Variants in BAG6 observed in about 807,000 individuals in gnomAD.
The protein encoded by BAG6 is large proline-rich protein BAG6.
A neutral mutation model predicts 121.0 loss-of-function variants in BAG6; 22 were observed. That is an observed-to-expected ratio of 0.18 (90% confidence interval 0.13 to 0.26). The LOEUF is 0.26. Among genes scored for constraint, BAG6 ranks in the 10% least tolerant of loss-of-function variants. BAG6 has a pLI of 1.00. For missense variants in BAG6, 1,233 were observed against 1,537.7 expected, an observed-to-expected ratio of 0.80 and a Z score of 3.31; for synonymous variants, 583 against 584.6, an observed-to-expected ratio of 1.00 and a Z score of 0.04.
chr6:31,642,141 ATGT>A lies in BAG6; in HGVS notation c.2303_2305del (p.Asn768del). 2 of 1,612,766 alleles carry A rather than the reference ATGT, an allele frequency of 1.2e-6. No homozygotes were observed. Among genetic ancestry groups the A allele is most frequent in the Non-Finnish European group, 1.7e-6 (2 of 1,179,910 alleles). ...GGCCCCATCAGCTCCAGGCTCAAAGATGTTGCTGGATCCACTGAGGCGTTGTAT... is the reference window on the plus strand; with the variant it reads ...GGCCCCATCAGCTCCAGGCTCAAAGATGCTGGATCCACTGAGGCGTTGTAT... On this transcript the variant is annotated inframe_deletion, in exon 16 of 26. Transcript: ENST00000676615.
In BAG6 at chr6:31,644,798, C is replaced by T. The variant is rs28732155; in HGVS notation, c.1369+148G>A. The T allele has an allele frequency of 0.033, 45,539 of 1,365,810 alleles. 1,012 individuals carry two copies. The highest frequency in any genetic ancestry group is 0.051 in the South Asian group (3,870 of 76,592). The allele number at this position is 1,365,810 out of a possible 1,614,324, so 84.6% of individuals were successfully genotyped here. A position where few individuals can be genotyped will look rare whatever the true frequency, so the allele number is the denominator to read the frequency against. On this transcript the variant is annotated intron_variant, in intron 10 of 25. Transcript: ENST00000676615. The surrounding 1 kb of genome is among the most constrained non-coding windows in gnomAD (Gnocchi z 4.9). ...AAGACAAACCAACCCCCACACCCCC[C>T]ACATCTGTCTACTTAAGCTTCTGCT...
rs753850519 is a variant in BAG6, at chr6:31,652,361, C to CACACACACA, written c.-14+62_-14+63insTGTGTGTGT. 9.6e-3 allele frequency: 1,064 copies of CACACACACA among 110,354 alleles called. 20 individuals carry two copies. The highest frequency in any genetic ancestry group is 0.03 in the Admixed American group (373 of 12,318). The allele number at this position is 110,354 out of a possible 1,614,324, so 6.8% of individuals were successfully genotyped here. ...CACACACACACACACACACACACAC[C>CACACACACA]CACCACCCCGCGGCTCCGCCCCCGA... On this transcript the variant is annotated intron_variant, in intron 1 of 25. Transcript: ENST00000676615.
At chr6:31,651,496 G>A (rs1175410265) in intron 2 of BAG6, among the ~76,000 whole-genome samples, 160 bp downstream of exon 2, 2 of 152,032 alleles carry the variant, frequency 1.3e-5, no homozygotes, top group African/African-American at 2.4e-5. Context: ...TCGAGATCGC[G>A]CCACTGCACT....
At chr6:31,643,826 A>C in intron 14 of BAG6, 64 bp downstream of exon 14, 14 of 1,529,238 alleles carry the variant, frequency 9.2e-6, no homozygotes, top group Non-Finnish European at 1.3e-5. Context: ...AAAGAACTGG[A>C]AAGTGCCAGT....
intron 1 of BAG6, 61 bp downstream of exon 1, chr6:31,652,363 A>ACACACC (rs1798417045): frequency 7.7e-6 from 1 of 129,262 alleles, no homozygotes; most frequent in Admixed American, 7.6e-5. Context: ...ACACACACCC[A>ACACACC]CCACCCCGCG....
chr6:31,647,344 G>A (rs1211932506), intron 7 of BAG6, among the ~76,000 whole-genome samples: 1 of 152,202 alleles, frequency 6.6e-6, no homozygotes, highest in Non-Finnish European at 1.5e-5. Context: ...GAACTCAGAG[G>A]AGAATTCCGA....
rs12055599 is a variant in BAG6, at chr6:31,644,799, A to C, written c.1369+147T>G. The C allele has an allele frequency of 0.054, 72,618 of 1,350,150 alleles. 2,436 individuals are homozygous for C. Among genetic ancestry groups the C allele is most frequent in the South Asian group, 0.12 (8,762 of 75,902 alleles). 83.6% of individuals were successfully genotyped at this position (1,350,150 alleles called of 1,614,324 possible). On this transcript the variant is annotated intron_variant, in intron 10 of 25. Coordinates refer to ENST00000676615, the MANE Select transcript of BAG6 (RefSeq NM_001387994.1). The surrounding 1 kb of genome is among the most constrained non-coding windows in gnomAD (Gnocchi z 4.9). Reference sequence around the variant, plus strand: ...AGACAAACCAACCCCCACACCCCCCACATCTGTCTACTTAAGCTTCTGCTC... The same window carrying C: ...AGACAAACCAACCCCCACACCCCCCCCATCTGTCTACTTAAGCTTCTGCTC...
chr6:31,647,980 G>A, intron 6 of BAG6, 154 bp from the exon 7 acceptor site: 3 of 1,015,606 alleles, frequency 3.0e-6, no homozygotes, highest in East Asian at 3.2e-5. Flanking sequence ...ACTAGCATAA[G>A]ACTGACACAA....
rs1046714405 is a variant in BAG6, at chr6:31,641,686, A to G, written c.2505+90T>C. The stretch of plus-strand genomic sequence containing the variant: ...CAAGTCCAGGGCTTGTGTGGGGGCA[A>G]TTGGAGCTTTACCTGGCAGAGAAGC... On this transcript the variant is annotated intron_variant, in intron 17 of 25. Coordinates refer to ENST00000676615, the MANE Select transcript of BAG6 (RefSeq NM_001387994.1). This position sits in a 1 kb window ranked among gnomAD's most constrained non-coding sequence, Gnocchi z 5.7. The G allele has an allele frequency of 6.2e-7, 1 of 1,610,812 alleles. No individual in the cohort carries two copies. Among genetic ancestry groups the G allele is most frequent in the South Asian group, 1.1e-5 (1 of 90,994 alleles).
In BAG6 at chr6:31,640,655, G is replaced by C. The variant is rs1179411967; in HGVS notation, c.2984C>G (p.Pro995Arg). ...CCCTCTCTAGAGTACCTGAGGCTCA[G>C]GGGAAGCTCTTTCTGCTCCCTGAAC... ...MEVQGAERASPEPQRENASPA... is the reference protein window; with the variant it reads ...MEVQGAERASREPQRENASPA... The change falls in exon 22 of 26, where the codon CCT (proline) becomes CGT (arginine). Residue 995 changes from proline (P) to arginine (R), a missense_variant. Pro to Arg is a moderately radical substitution (Grantham distance 103). Around this residue, in one of 7 missense-constraint regions of BAG6, gnomAD observed 288 missense variants for 483.1 expected, o/e 0.60. Coordinates refer to ENST00000676615, the MANE Select transcript of BAG6 (RefSeq NM_001387994.1). The surrounding 1 kb of genome is among the most constrained non-coding windows in gnomAD (Gnocchi z 4.2). The C allele has an allele frequency of 1.2e-6, 2 of 1,613,006 alleles. No individual in the cohort carries two copies. The highest frequency in any genetic ancestry group is 1.7e-6 in the Non-Finnish European group (2 of 1,179,994).
chr6:31,648,973 AG>A lies in BAG6; in HGVS notation c.424-10del, dbSNP rs1202194744. 2.0e-6 allele frequency: 3 copies of A among 1,523,144 alleles called. No individual in the cohort carries two copies. Among genetic ancestry groups the A allele is most frequent in the Non-Finnish European group, 2.6e-6 (3 of 1,139,094 alleles). 94.4% of individuals were successfully genotyped at this position (1,523,144 alleles called of 1,614,324 possible). A position where few individuals can be genotyped will look rare whatever the true frequency, so the allele number is the denominator to read the frequency against. On this transcript the variant is annotated splice_polypyrimidine_tract_variant and intron_variant, in intron 4 of 25. Transcript: ENST00000676615. ...ACAGCAGAGCCGTCACTCTGGGGAA[AG>A]GGTAAGGGAAGTTGTTCTGGGAGAA... is the stretch of plus-strand genomic sequence containing the variant.
Position 31,642,119 on chromosome 6 carries a change from C to T in BAG6, c.2328G>A (p.Gly776=), listed in dbSNP as rs778728908. ...AGCATCCTTTTTGCTCACCAAGGGCCCCATCAGCTCCAGGCTCAAAGATGT... is the reference window on the plus strand; with the variant it reads ...AGCATCCTTTTTGCTCACCAAGGGCTCCATCAGCTCCAGGCTCAAAGATGT... ...SSNIFEPGAD[G]ALGFFGALLS... Residue 776 remains glycine, a synonymous_variant, in exon 16 of 26, where the codon GGG becomes GGA. Transcript: ENST00000676615. The T allele has an allele frequency of 1.3e-5, 21 of 1,611,740 alleles. No individual in the cohort carries two copies. Among genetic ancestry groups the T allele is most frequent in the Non-Finnish European group, 1.8e-5 (21 of 1,179,148 alleles).
intron 7 of BAG6, among the ~76,000 whole-genome samples, chr6:31,647,343 G>A (rs1489005429): frequency 6.6e-6 from 1 of 152,180 alleles, no homozygotes; most frequent in Non-Finnish European, 1.5e-5. Flanking sequence ...TGAACTCAGA[G>A]GAGAATTCCG....
At chr6:31,648,985 G>A (rs753306286) in intron 4 of BAG6, 21 bp from the exon 5 acceptor site, 2 of 1,522,690 alleles carry the variant, frequency 1.3e-6, no homozygotes, top group Non-Finnish European at 1.8e-6. Context: ...GGTAAGGGAA[G>A]TTGTTCTGGG....
intron 16 of BAG6, 73 bp from the exon 17 acceptor site, chr6:31,642,018 C>G (rs1471575202): frequency 6.3e-7 from 1 of 1,595,942 alleles, no homozygotes; most frequent in Admixed American, 1.7e-5. Context: ...GATCATCAAC[C>G]TCATCCCACC....
Position 31,644,897 on chromosome 6 carries a change from C to A in BAG6, c.1369+49G>T, listed in dbSNP as rs1407448033. The A allele has an allele frequency of 1.9e-6, 3 of 1,540,718 alleles. No individual in the cohort carries two copies. Among genetic ancestry groups the A allele is most frequent in the South Asian group, 1.3e-5 (1 of 79,112 alleles). On this transcript the variant is annotated intron_variant, in intron 10 of 25. Coordinates refer to ENST00000676615, the MANE Select transcript of BAG6 (RefSeq NM_001387994.1). This position sits in a 1 kb window ranked among gnomAD's most constrained non-coding sequence, Gnocchi z 4.9. ...CTGTTCCCTCACACCTCAGCATGAACCTCCCTCATCATGCTGATCCTGCTC... is the reference window on the plus strand; with the variant it reads ...CTGTTCCCTCACACCTCAGCATGAAACTCCCTCATCATGCTGATCCTGCTC...
Position 31,641,047 on chromosome 6 carries a change from G to C in BAG6, c.2787+57C>G. On this transcript the variant is annotated intron_variant, in intron 20 of 25. Coordinates refer to ENST00000676615, the MANE Select transcript of BAG6 (RefSeq NM_001387994.1). The surrounding 1 kb of genome is among the most constrained non-coding windows in gnomAD (Gnocchi z 5.7). ...TTAGAAAAGAAAAATGAAAACTGCAGAGAATGGAAACCTCAGGAAACAAAA... is the reference window on the plus strand; with the variant it reads ...TTAGAAAAGAAAAATGAAAACTGCACAGAATGGAAACCTCAGGAAACAAAA... The C allele has an allele frequency of 6.2e-7, 1 of 1,603,582 alleles. No individual in the cohort carries two copies. The highest frequency in any genetic ancestry group is 8.5e-7 in the Non-Finnish European group (1 of 1,174,576).
Position 31,646,443 on chromosome 6 carries a change from C to T in BAG6, c.869G>A (p.Arg290His), listed in dbSNP as rs143680960. The part of the protein sequence containing the change: ...LESRLQPFLQ[R>H]YYEVLGAAAT... ...AGCAGCACCCAGAACCTCGTAGTAG[C>T]GCTGCAAGAAGGGCTGGAGGCGACT... Residue 290 changes from arginine to histidine, a missense_variant, in exon 8 of 26, where the codon CGC becomes CAC. Physicochemically the swap from Arg to His is conservative, Grantham distance 29 (BLOSUM62 0). Around this residue, in one of 7 missense-constraint regions of BAG6, gnomAD observed 777 missense variants for 861.4 expected, o/e 0.90. Coordinates refer to ENST00000676615, the MANE Select transcript of BAG6 (RefSeq NM_001387994.1). 4.6e-5 allele frequency: 74 copies of T among 1,612,868 alleles called. No homozygotes were observed. Among genetic ancestry groups the T allele is most frequent in the African/African-American group, 4.4e-4 (33 of 74,914 alleles).
chr6:31,647,660 T>C lies in BAG6; in HGVS notation c.719A>G (p.Gln240Arg), dbSNP rs530161307. 5 of 1,604,798 alleles carry C rather than the reference T, an allele frequency of 3.1e-6. No individual in the cohort carries two copies. In the African/African-American group the frequency reaches 5.4e-5, roughly 17 times the overall value. ...AEEVEERAPA[Q>R]NPELTPGPAP... ...TGGGCCAGGAGTGAGCTCCGGGTTC[T>C]GGGCTGGGGCACGCTCCTCCACTTC... Residue 240 changes from glutamine (Q) to arginine (R), a missense_variant, in exon 7 of 26, where the codon CAG (glutamine) becomes CGG (arginine). By Grantham distance (43) the Gln-to-Arg change is conservative. This residue lies in a region of BAG6 where 777 missense variants were observed against 861.4 expected (regional missense o/e 0.90). Transcript: ENST00000676615.
Sources: allele counts gnomAD v4.1 joint callset (sites outside exome capture counted in the v4.1 genomes callset), GRCh38; gene constraint gnomAD v4.1.1; regional missense constraint gnomAD v4.1.1; non-coding constraint Gnocchi (gnomAD v3.1); transcripts MANE v1.5; gene names NCBI Gene and HGNC (gene_info 2026-07-23, HGNC 2026-07-21).